Variants in CDH23 observed in about 807,000 individuals in gnomAD.
CDH23 encodes cadherin related 23.
Under a neutral mutation model 317.1 loss-of-function variants are expected in CDH23, and 189 were observed. The ratio of observed to expected loss-of-function variants is 0.60; its 90% CI spans 0.53 to 0.67. CDH23 has a LOEUF of 0.67. Among genes scored for constraint, CDH23 ranks in the 30% least tolerant of loss-of-function variants. CDH23 has a pLI of 0.00. For synonymous variants in CDH23, 1,839 were observed against 1,876.8 expected (o/e 0.98, Z 0.52); for missense variants, 4,401 against 4,592.4 (o/e 0.96, Z 1.20).
chr10:71,478,390 T>C (rs1303775901), intron 3 of CDH23, among the ~76,000 whole-genome samples: 3 of 152,330 alleles, frequency 2.0e-5, no homozygotes, highest in East Asian at 1.9e-4. Context: ...CTCTGCCTAG[T>C]GCCCTCCCCT....
At chr10:71,641,032 G>A (rs1340525086) in intron 11 of CDH23, among the ~76,000 whole-genome samples, 1 of 152,170 alleles carries the variant, frequency 6.6e-6, no homozygotes, top group Non-Finnish European at 1.5e-5. Context: ...GGTCTAGGGT[G>A]CAGCATAGGC....
chr10:71,716,577 C>A (rs972554752), intron 28 of CDH23: 37 of 429,506 alleles, frequency 8.6e-5, no homozygotes, highest in African/African-American at 6.7e-4. Flanking sequence ...TCCTGTTCCA[C>A]CCTGTGCCCA....
rs1321258082 is a variant in CDH23 at position 71,566,837 on chromosome 10, C to T, written c.525C>T (p.Ser175=). 20 of 1,614,026 alleles carry T rather than the reference C, an allele frequency of 1.2e-5. No homozygotes were observed. Among genetic ancestry groups the T allele is most frequent in the Non-Finnish European group, 1.6e-5 (19 of 1,179,896 alleles). ...GSVLYSFQPP[S]QFFAIDSARG... Reference sequence around the variant, plus strand: ...TCCTCTACTCCTTCCAGCCCCCCTCCCAATTCTTCGCCATTGACAGCGCCC... The same window carrying T: ...TCCTCTACTCCTTCCAGCCCCCCTCTCAATTCTTCGCCATTGACAGCGCCC... The change falls in exon 7 of 70, where the codon TCC becomes TCT. Residue 175 remains serine (S), a synonymous_variant. Transcript: ENST00000224721.
intron 44 of CDH23, among the ~76,000 whole-genome samples, chr10:71,786,705 C>A (rs572711735): frequency 2.0e-5 from 3 of 151,988 alleles, no homozygotes; most frequent in African/African-American, 7.3e-5. Context: ...ACCATGTTGG[C>A]GAGGCTTGTC....
chr10:71,763,684 C>A (rs1295955606), intron 38 of CDH23, among the ~76,000 whole-genome samples: 4 of 152,234 alleles, frequency 2.6e-5, no homozygotes, highest in African/African-American at 9.6e-5. Flanking sequence ...ATCTCCCTGG[C>A]AGAGTTGAGG....
At chr10:71,428,684 G>A (rs147462054) in intron 1 of CDH23, among the ~76,000 whole-genome samples, 17,762 of 151,818 alleles carry the variant, frequency 0.12, 1,157 homozygotes, top group South Asian at 0.23. Flanking sequence ...CACCTCCCTG[G>A]TTCAAGCAAT....
At chr10:71,489,594 G>GGGGTGTGTGTGT (rs1554830087) in intron 3 of CDH23, among the ~76,000 whole-genome samples, 1 of 139,802 alleles carries the variant, frequency 7.2e-6, no homozygotes, top group Non-Finnish European at 1.5e-5. Context: ...AGTGCCTCGG[G>GGGGTGTGTGTGT]GTGTGTGTGT....
Position 71,484,858 on chromosome 10 carries a change from T to C in CDH23, c.146-25224T>C, listed in dbSNP as rs534711497. ...GTGTTGACTTTCTCCTATGCATTGA[T>C]GTCTGTAAAATGGGGACTTGAATGA... is the stretch of plus-strand genomic sequence containing the variant. On this transcript the variant is annotated intron_variant, in intron 3 of 69. Transcript: ENST00000224721. 7.2e-5 allele frequency among the ~76,000 whole-genome samples: 11 copies of C among 152,190 alleles called. No individual in the cohort carries two copies. The East Asian group carries it at 2.1e-3, about 29-fold the overall frequency.
At chr10:71,779,135 C>T (rs958465762) in intron 40 of CDH23, 132 bp from the exon 41 acceptor site, 23 of 815,930 alleles carry the variant, frequency 2.8e-5, no homozygotes, top group South Asian at 1.4e-4. Context: ...CACCCATATC[C>T]GACTTCCCAT....
intron 27 of CDH23, chr10:71,712,339 T>G (rs1267330249): frequency 4.1e-6 from 1 of 246,506 alleles, no homozygotes; most frequent in Middle Eastern, 1.3e-3. Context: ...CATGGGTCTG[T>G]TTTTTTTGGG....
intron 6 of CDH23, among the ~76,000 whole-genome samples, chr10:71,565,987 G>A (rs1805064816): frequency 2.0e-5 from 3 of 152,182 alleles, no homozygotes; most frequent in African/African-American, 7.2e-5. Context: ...ACAGCCAGAG[G>A]TGTGAGGGAG....
chr10:71,564,342 AG>A (rs1389486618), intron 6 of CDH23, among the ~76,000 whole-genome samples: 1 of 152,244 alleles, frequency 6.6e-6, no homozygotes, highest in African/African-American at 2.4e-5. Context: ...CCTGAAATGC[AG>A]GAAGTCAGCA....
chr10:71,559,016 G>T (rs980649057), intron 6 of CDH23, among the ~76,000 whole-genome samples: 4 of 152,186 alleles, frequency 2.6e-5, no homozygotes, highest in Non-Finnish European at 5.9e-5. Flanking sequence ...AAGAGTTGGG[G>T]AAGGGATCTG....
At chr10:71,700,372 G>C (rs1176026130) in intron 22 of CDH23, among the ~76,000 whole-genome samples, 1 of 152,170 alleles carries the variant, frequency 6.6e-6, no homozygotes, top group Admixed American at 6.5e-5. Context: ...GGGTGATGGA[G>C]CAAGACTTCG....
At chr10:71,411,680 G>A (rs1057233447) in intron 1 of CDH23, among the ~76,000 whole-genome samples, 1 of 152,006 alleles carries the variant, frequency 6.6e-6, no homozygotes, top group African/African-American at 2.4e-5. Flanking sequence ...CTTCAATTCT[G>A]GTATCAAGGA....
chr10:71,548,045 G>T (rs181065802), intron 6 of CDH23, among the ~76,000 whole-genome samples: 1 of 152,214 alleles, frequency 6.6e-6, no homozygotes, highest in Non-Finnish European at 1.5e-5. Context: ...GCGTGGTGAC[G>T]GAATGCATTT....
intron 12 of CDH23, 94 bp from the exon 13 acceptor site, chr10:71,645,737 G>C (rs1862814211): frequency 7.0e-7 from 1 of 1,432,066 alleles, no homozygotes; most frequent in South Asian, 1.2e-5. Flanking sequence ...AGCAGCTCTG[G>C]GCTCACTCTC....
chr10:71,778,658 AAGG>A (rs1840875255), intron 40 of CDH23, among the ~76,000 whole-genome samples: 1 of 152,236 alleles, frequency 6.6e-6, no homozygotes, highest in Non-Finnish European at 1.5e-5. Context: ...TCATCTGTGA[AAGG>A]AGGACAATAC....
intron 9 of CDH23, among the ~76,000 whole-genome samples, chr10:71,587,005 T>C (rs1236865742): frequency 6.6e-6 from 1 of 152,254 alleles, no homozygotes; most frequent in Non-Finnish European, 1.5e-5. Context: ...TATGAACATC[T>C]GTGTATCTCT....
Sources: allele counts gnomAD v4.1 joint callset (sites outside exome capture counted in the v4.1 genomes callset), GRCh38; gene constraint gnomAD v4.1.1; transcripts MANE v1.5; gene names NCBI Gene and HGNC (gene_info 2026-07-23, HGNC 2026-07-21).